The following CYP3A7 variants were observed in gnomAD, a reference collection of about 807,000 sequenced individuals.
The protein encoded by CYP3A7 is cytochrome P450 family 3 subfamily A member 7.
CYP3A7 carries 45 observed loss-of-function variants against 55.2 expected under a neutral mutation model. The observed-to-expected ratio is 0.82, with a 90% CI of 0.64 to 1.05. CYP3A7 has a LOEUF of 1.05. Among genes scored for constraint, CYP3A7 ranks in the 50% least tolerant of loss-of-function variants. CYP3A7 has a pLI of 0.00. For synonymous variants in CYP3A7, 180 were observed against 207.4 expected (o/e 0.87, Z 1.13); for missense variants, 548 against 605.3 (o/e 0.91, Z 0.99).
intron 4 of CYP3A7, among the ~76,000 whole-genome samples, chr7:99,719,296 G>A (rs577514453): frequency 1.3e-5 from 2 of 152,122 alleles, no homozygotes; most frequent in Non-Finnish European, 2.9e-5. Flanking sequence ...TGTTGATGGA[G>A]GAATAAACAC....
intron 2 of CYP3A7, among the ~76,000 whole-genome samples, chr7:99,727,227 G>C (rs1291683990): frequency 6.6e-6 from 1 of 152,176 alleles, no homozygotes; most frequent in African/African-American, 2.4e-5. Flanking sequence ...ACCGTGCTCT[G>C]TAGCCTTTTT....
chr7:99,731,656 C>A (rs1432013118), intron 1 of CYP3A7, among the ~76,000 whole-genome samples: 1 of 152,196 alleles, frequency 6.6e-6, no homozygotes, highest in African/African-American at 2.4e-5. Context: ...AGAATTTGCT[C>A]AGAGGCTTTT....
chr7:99,711,145 C>A (rs1049102892), intron 9 of CYP3A7, among the ~76,000 whole-genome samples: 12 of 152,302 alleles, frequency 7.9e-5, no homozygotes, highest in African/African-American at 2.9e-4. Context: ...GCCATCCCTG[C>A]CACCTTCACA....
chr7:99,715,050 A>G (rs1346082085), intron 7 of CYP3A7, among the ~76,000 whole-genome samples: 3 of 152,248 alleles, frequency 2.0e-5, no homozygotes, highest in African/African-American at 7.2e-5. Flanking sequence ...TCAGATAGAA[A>G]TAACACAGTG....
In CYP3A7 at chr7:99,720,190, G is replaced by A. The variant is rs763721265; in HGVS notation, c.318+123C>T. 1.4e-4 allele frequency: 175 copies of A among 1,207,678 alleles called. 1 individual carries two copies. The highest frequency in any genetic ancestry group is 1.9e-4 in the Non-Finnish European group (157 of 841,908). The allele number at this position is 1,207,678 out of a possible 1,614,324, so 74.8% of individuals were successfully genotyped here. On this transcript the variant is annotated intron_variant, in intron 4 of 12. Coordinates refer to ENST00000336374, the MANE Select transcript of CYP3A7 (RefSeq NM_000765.5). The stretch of plus-strand genomic sequence containing the variant: ...AGATGTTACCATGGGGGATGGGCAG[G>A]ATGAAGTGTACATGGAACCTTCCTG...
Position 99,717,176 on chromosome 7 carries a change from C to A in CYP3A7, c.521+1G>T. ...AACCCCATGGCTGTGCTCCTACTTA[C>A]TGTTTCAAGGTGACAGGCTTGCCTG... On this transcript the variant is annotated splice_donor_variant, in intron 6 of 12. Transcript: ENST00000336374. LOFTEE classifies it high-confidence loss of function. 1.2e-6 allele frequency: 2 copies of A among 1,613,848 alleles called. No homozygotes were observed. The highest frequency in any genetic ancestry group is 1.7e-6 in the Non-Finnish European group (2 of 1,179,786).
intron 2 of CYP3A7, among the ~76,000 whole-genome samples, chr7:99,727,009 T>C (rs1479800450): frequency 6.6e-6 from 1 of 152,152 alleles, no homozygotes; most frequent in Non-Finnish European, 1.5e-5. Flanking sequence ...GGTTTTGCCA[T>C]CCTAACAAAA....
Position 99,709,173 on chromosome 7 carries a change from C to T in CYP3A7, c.1115G>A (p.Arg372Lys). 1 of 1,613,994 alleles carries T rather than the reference C, an allele frequency of 6.2e-7. No homozygotes were observed. The highest frequency in any genetic ancestry group is 8.5e-7 in the Non-Finnish European group (1 of 1,179,936). The change falls in exon 11 of 13, where the codon AGA (arginine) becomes AAA (lysine). Residue 372 changes from arginine to lysine, a missense_variant. Transcript: ENST00000336374. ...ATCTTTTTTGCAGACCCTCTCAAGT[C>T]TCATAGCAACTGGGAATAATCTGAG... ...ETLRLFPVAM[R>K]LERVCKKDVE...
chr7:99,727,368 A>T (rs1220065612), intron 2 of CYP3A7, among the ~76,000 whole-genome samples: 2 of 152,188 alleles, frequency 1.3e-5, no homozygotes, highest in Non-Finnish European at 2.9e-5. Flanking sequence ...CAGTTCTCAT[A>T]ACTTCCAAAA....
rs1563016783 is a variant in CYP3A7, at chr7:99,705,441, G to A, written c.*59C>T. The A allele has an allele frequency of 1.9e-6, 3 of 1,563,932 alleles. No individual in the cohort carries two copies. The highest frequency in any genetic ancestry group is 2.6e-6 in the Non-Finnish European group (3 of 1,136,078). On this transcript the variant is annotated 3_prime_UTR_variant, in exon 13 of 13. Transcript: ENST00000336374. ...GGTTCTATTTGTAAAGTAATTTGAG[G>A]TCTCTGGTGTTCTGGGGCACAGCTT...
Position 99,711,755 on chromosome 7 carries a change from C to T in CYP3A7, c.866-863G>A, listed in dbSNP as rs190984113. Among the ~76,000 whole-genome samples, 207 of 150,262 alleles carry T rather than the reference C, an allele frequency of 1.4e-3. 1 individual carries two copies. The highest frequency in any genetic ancestry group is 4.7e-3 in the African/African-American group (192 of 41,286). On this transcript the variant is annotated intron_variant, in intron 9 of 12. Coordinates refer to ENST00000336374, the MANE Select transcript of CYP3A7 (RefSeq NM_000765.5). ...TGCACTCCAGCCTGGGCAACAAGAG[C>T]GAAAACTCTGTCTCAAAACAAAACA... is the stretch of plus-strand genomic sequence containing the variant.
intron 12 of CYP3A7, among the ~76,000 whole-genome samples, chr7:99,707,609 C>T (rs761143988): frequency 6.6e-6 from 1 of 152,216 alleles, no homozygotes; most frequent in African/African-American, 2.4e-5. Flanking sequence ...TCTACATTGA[C>T]ATTGCATGAT....
At chr7:99,717,393 A>G in intron 5 of CYP3A7, 128 bp from the exon 6 acceptor site, 1 of 1,591,192 alleles carries the variant, frequency 6.3e-7, no homozygotes, top group Non-Finnish European at 8.6e-7. Flanking sequence ...TTTTCTGTAC[A>G]TAAAAAGACT....
intron 1 of CYP3A7, among the ~76,000 whole-genome samples, chr7:99,733,632 T>C (rs919688691): frequency 3.9e-5 from 6 of 152,128 alleles, no homozygotes; most frequent in African/African-American, 1.4e-4. Context: ...GGTGCCCTTG[T>C]GTCCAGGCTT....
chr7:99,709,915 C>T (rs1273632010), intron 10 of CYP3A7, among the ~76,000 whole-genome samples: 1 of 152,028 alleles, frequency 6.6e-6, no homozygotes, highest in African/African-American at 2.4e-5. Flanking sequence ...CCCTTTCTAT[C>T]CCAAATATGA....
rs1177505553 is a variant in CYP3A7 at position 99,705,584 on chromosome 7, T to C, written c.1428A>G (p.Lys476=). The change falls in exon 13 of 13, where the codon AAA becomes AAG. Residue 476 remains lysine (K), a synonymous_variant. Transcript: ENST00000336374. ...KPCKETQIPL[K]LRFGGLLLTE... Reference sequence around the variant, plus strand: ...TTAGAAGAAGTCCTCCAAAGCGTAATTTCAGGGGGATCTGCAACAGTTAAA... The same window carrying C: ...TTAGAAGAAGTCCTCCAAAGCGTAACTTCAGGGGGATCTGCAACAGTTAAA... 3 of 1,613,396 alleles carry C rather than the reference T, an allele frequency of 1.9e-6. No individual in the cohort carries two copies. Among genetic ancestry groups the C allele is most frequent in the African/African-American group, 1.3e-5 (1 of 74,884 alleles).
rs750157853 is a variant in CYP3A7, at chr7:99,707,881, G to T, written c.1347C>A (p.Leu449=). ...PRNCIGMRFA[L]VNMKLALVRV... is the part of the protein sequence containing the mutation. ...TGACTAGAGCAAGTTTCATGTTCACGAGAGCAAACCTCATGCCAATGCAGT... is the reference window on the plus strand; with the variant it reads ...TGACTAGAGCAAGTTTCATGTTCACTAGAGCAAACCTCATGCCAATGCAGT... The change falls in exon 12 of 13, where the codon CTC becomes CTA. Residue 449 remains leucine (L), a synonymous_variant. Coordinates refer to ENST00000336374, the MANE Select transcript of CYP3A7 (RefSeq NM_000765.5). 1 of 1,614,032 alleles carries T rather than the reference G, an allele frequency of 6.2e-7. No individual in the cohort carries two copies. Among genetic ancestry groups the T allele is most frequent in the East Asian group, 2.2e-5 (1 of 44,868 alleles).
At chr7:99,718,888 A>G (rs1342379113) in intron 4 of CYP3A7, among the ~76,000 whole-genome samples, 1 of 152,246 alleles carries the variant, frequency 6.6e-6, no homozygotes. Flanking sequence ...CAAGAAAAAC[A>G]TAATATCATT....
At chr7:99,724,029 TG>T (rs1386589439) in intron 2 of CYP3A7, among the ~76,000 whole-genome samples, 2 of 151,964 alleles carry the variant, frequency 1.3e-5, no homozygotes, top group African/African-American at 4.8e-5. Flanking sequence ...TCACCTTCCC[TG>T]GGTGGCAAGT....
Sources: allele counts gnomAD v4.1 joint callset (sites outside exome capture counted in the v4.1 genomes callset), GRCh38; gene constraint gnomAD v4.1.1; transcripts MANE v1.5; gene names NCBI Gene and HGNC (gene_info 2026-07-23, HGNC 2026-07-21).